The following EFL1 variants were observed in gnomAD, a reference collection of about 807,000 sequenced individuals.
The protein encoded by EFL1 is elongation factor-like GTPase 1.
In EFL1, 76 loss-of-function variants were observed where a neutral mutation model predicts 126.7. The ratio of observed to expected loss-of-function variants is 0.60; its 90% confidence interval spans 0.50 to 0.73. EFL1 has a LOEUF of 0.73. Among genes scored for constraint, EFL1 ranks in the 30% least tolerant of loss-of-function variants. The probability of loss-of-function intolerance (pLI) is 0.00; values close to 1 mark genes in which losing one functional copy is unlikely to be tolerated. For missense variants in EFL1, 1,128 were observed against 1,343.2 expected (o/e 0.84, Z 2.50); for synonymous variants, 410 against 448.4 (o/e 0.91, Z 1.08).
At chr15:82,158,272 G>T (rs1054635127) in intron 16 of EFL1, among the ~76,000 whole-genome samples, 2 of 152,154 alleles carry the variant, frequency 1.3e-5, no homozygotes, top group South Asian at 2.1e-4. Context: ...TGATATTCAA[G>T]AAACTGTACC....
intron 12 of EFL1, among the ~76,000 whole-genome samples, chr15:82,222,181 C>G (rs1392345413): frequency 6.6e-6 from 1 of 152,190 alleles, no homozygotes; most frequent in Non-Finnish European, 1.5e-5. Context: ...CTGTTAATCA[C>G]TTTACATATA....
chr15:82,185,385 A>C (rs1049446425), intron 15 of EFL1, among the ~76,000 whole-genome samples: 1 of 152,230 alleles, frequency 6.6e-6, no homozygotes, highest in African/African-American at 2.4e-5. Context: ...GCATATCTTC[A>C]TAAATGAAAA....
intron 15 of EFL1, among the ~76,000 whole-genome samples, chr15:82,206,107 T>C (rs1361131114): frequency 2.0e-5 from 3 of 151,966 alleles, no homozygotes; most frequent in Admixed American, 6.6e-5. Flanking sequence ...TGAATTAGAG[T>C]ACACATAAAA....
At chr15:82,222,385 T>C (rs2074721042) in intron 12 of EFL1, among the ~76,000 whole-genome samples, 2 of 152,240 alleles carry the variant, frequency 1.3e-5, no homozygotes, top group Non-Finnish European at 2.9e-5. Context: ...GTTATGTCTT[T>C]CCTTCAAGAG....
At chr15:82,154,240 C>T (rs1280777491) in intron 17 of EFL1, among the ~76,000 whole-genome samples, 1 of 152,140 alleles carries the variant, frequency 6.6e-6, no homozygotes, top group African/African-American at 2.4e-5. Flanking sequence ...AAAAAAAGTG[C>T]GGTAGGCTCA....
At chr15:82,245,854 G>C (rs1214619121) in intron 4 of EFL1, among the ~76,000 whole-genome samples, 1 of 151,564 alleles carries the variant, frequency 6.6e-6, no homozygotes, top group East Asian at 1.9e-4. Context: ...AGGACTGCTT[G>C]AGCCTAGGAG....
At chr15:82,248,717 C>T (rs2074995048) in intron 4 of EFL1, among the ~76,000 whole-genome samples, 1 of 152,038 alleles carries the variant, frequency 6.6e-6, no homozygotes, top group African/African-American at 2.4e-5. Flanking sequence ...GACTATATGC[C>T]TAAGGTTACT....
chr15:82,152,468 T>G lies in EFL1; in HGVS notation c.2031-45A>C, dbSNP rs754375624. ...AAATAACAGAAGGTTAAAATCAAAA[T>G]AGCATCAAAGCTCCTGTGTAGAAAT... On this transcript the variant is annotated intron_variant, in intron 17 of 19. Coordinates refer to ENST00000268206, the MANE Select transcript of EFL1 (RefSeq NM_024580.6). 24 of 1,500,480 alleles carry G rather than the reference T, an allele frequency of 1.6e-5. No homozygotes were observed. The East Asian group carries it at 3.6e-4, about 23-fold the overall frequency. The allele number at this position is 1,500,480 out of a possible 1,614,324, so 92.9% of individuals were successfully genotyped here.
rs189586584 is a variant in EFL1, at chr15:82,192,944, T to C, written c.1750+21773A>G. 2.0e-5 allele frequency among the ~76,000 whole-genome samples: 3 copies of C among 152,234 alleles called. No homozygotes were observed. In the East Asian group the frequency reaches 5.8e-4, roughly 29 times the overall value. ...AAACTATGGAAGGCTATAAGGTGAT[T>C]TGTGATCAACGGTTATGTCAGAGAA... On this transcript the variant is annotated intron_variant, in intron 15 of 19. Transcript: ENST00000268206.
At chr15:82,182,836 AG>A (rs1326435376) in intron 15 of EFL1, among the ~76,000 whole-genome samples, 1 of 151,478 alleles carries the variant, frequency 6.6e-6, no homozygotes, top group Non-Finnish European at 1.5e-5. Flanking sequence ...AAAAAAAAAA[AG>A]AATCATATTT....
chr15:82,251,980 T>C (rs2075025942), intron 4 of EFL1, among the ~76,000 whole-genome samples: 1 of 152,216 alleles, frequency 6.6e-6, no homozygotes, highest in Non-Finnish European at 1.5e-5. Context: ...CACCTTTATC[T>C]GCATATATAA....
chr15:82,262,623 C>T lies in EFL1; in HGVS notation c.-29G>A. ...GCCAGCCCACACTCACCGGCTGCAG[C>T]AGCCCCACCAGCCCCGCTCCTTCTC... On this transcript the variant is annotated 5_prime_UTR_variant, in exon 1 of 20. Transcript: ENST00000268206. 1 of 424,414 alleles carries T rather than the reference C, an allele frequency of 2.4e-6. No individual in the cohort carries two copies. The highest frequency in any genetic ancestry group is 4.2e-6 in the Non-Finnish European group (1 of 238,290). The allele number at this position is 424,414 out of a possible 1,614,324, so 26.3% of individuals were successfully genotyped here. A position where few individuals can be genotyped will look rare whatever the true frequency, so the allele number is the denominator to read the frequency against.
At chr15:82,155,644 G>A (rs530508832) in intron 17 of EFL1, among the ~76,000 whole-genome samples, 1 of 152,206 alleles carries the variant, frequency 6.6e-6, no homozygotes, top group Non-Finnish European at 1.5e-5. Context: ...CATCTTAGCA[G>A]ATCATACCAA....
intron 19 of EFL1, 123 bp downstream of exon 19, chr15:82,138,535 A>T: frequency 9.0e-7 from 1 of 1,108,544 alleles, no homozygotes; most frequent in South Asian, 1.6e-5. Flanking sequence ...TGTCCATTTG[A>T]CTGAGTTGAG....
intron 7 of EFL1, 73 bp downstream of exon 7, chr15:82,238,233 TA>T: frequency 6.7e-7 from 1 of 1,492,602 alleles, no homozygotes; most frequent in Non-Finnish European, 9.1e-7. Context: ...TATCTCAAAA[TA>T]AAAGTTTCAC....
chr15:82,260,196 G>T (rs965762690), intron 2 of EFL1, among the ~76,000 whole-genome samples: 1 of 151,764 alleles, frequency 6.6e-6, no homozygotes, highest in Non-Finnish European at 1.5e-5. Flanking sequence ...AAAGTAATTT[G>T]TTACACCCCA....
chr15:82,250,447 C>T (rs535584942), intron 4 of EFL1, among the ~76,000 whole-genome samples: 1 of 131,208 alleles, frequency 7.6e-6, no homozygotes, highest in Non-Finnish European at 1.6e-5. Context: ...CTGTGATGGG[C>T]TGGCATGAAA....
chr15:82,189,253 C>A (rs371262592), intron 15 of EFL1, among the ~76,000 whole-genome samples: 4 of 152,236 alleles, frequency 2.6e-5, no homozygotes, highest in South Asian at 4.1e-4. Context: ...CCATCATATA[C>A]GTAATCCTTC....
At chr15:82,137,089 A>G (rs1256536953) in intron 19 of EFL1, among the ~76,000 whole-genome samples, 2 of 152,114 alleles carry the variant, frequency 1.3e-5, no homozygotes, top group African/African-American at 2.4e-5. Flanking sequence ...ACTTGCATCA[A>G]TTTAGATGAT....
Sources: allele counts gnomAD v4.1 joint callset (sites outside exome capture counted in the v4.1 genomes callset), GRCh38; gene constraint gnomAD v4.1.1; transcripts MANE v1.5; gene names NCBI Gene and HGNC (gene_info 2026-07-23, HGNC 2026-07-21).